The following TERT variants were observed in gnomAD, a reference collection of about 807,000 sequenced individuals.
TERT encodes the protein telomerase reverse transcriptase, also known as telomerase catalytic subunit.
In TERT, 42 loss-of-function variants were observed where a neutral mutation model predicts 104.0. That is an observed-to-expected ratio of 0.40 (90% CI 0.32 to 0.52). The LOEUF is 0.52. Among genes scored for constraint, TERT ranks in the 20% least tolerant of loss-of-function variants. The pLI is 0.43. For synonymous variants in TERT, 781 were observed against 725.6 expected, an observed-to-expected ratio of 1.08 and a Z score of -1.23; for missense variants, 1,101 against 1,610.3, an observed-to-expected ratio of 0.68 and a Z score of 5.41.
chr5:1,272,305 G>A (rs781072689), intron 6 of TERT, 25 bp from the exon 7 acceptor site: 1 of 1,593,710 alleles, frequency 6.3e-7, no homozygotes, highest in Admixed American at 1.7e-5. Context: ...GAGGGCATGA[G>A]CCACAAATGT....
At chr5:1,254,951 G>A (rs577870078) in intron 14 of TERT, among the ~76,000 whole-genome samples, 6 of 152,242 alleles carry the variant, frequency 3.9e-5, no homozygotes, top group South Asian at 4.1e-4. Context: ...TGCCATGGAC[G>A]GGAGACAGCC....
rs1751305960 is a variant in TERT at position 1,295,012 on chromosome 5, G to A, written c.-23C>T. The A allele has an allele frequency of 1.5e-6, 2 of 1,293,428 alleles. No individual in the cohort carries two copies. Among genetic ancestry groups the A allele is most frequent in the Non-Finnish European group, 2.0e-6 (2 of 1,022,844 alleles). The allele number at this position is 1,293,428 out of a possible 1,614,324, so 80.1% of individuals were successfully genotyped here. A position where few individuals can be genotyped will look rare whatever the true frequency, so the allele number is the denominator to read the frequency against. On this transcript the variant is annotated 5_prime_UTR_variant, in exon 1 of 16. Transcript: ENST00000310581. ...CATCGCGGGGGTGGCCGGGGCCAGGGCTTCCCACGTGCGCAGCAGGACGCA... is the reference window on the plus strand; with the variant it reads ...CATCGCGGGGGTGGCCGGGGCCAGGACTTCCCACGTGCGCAGCAGGACGCA...
chr5:1,289,776 C>A (rs1254945037), intron 2 of TERT, among the ~76,000 whole-genome samples: 1 of 107,196 alleles, frequency 9.3e-6, no homozygotes. Flanking sequence ...TCACCCTACA[C>A]GTGACAGGGA....
At chr5:1,253,924 C>T in intron 15 of TERT, 93 bp from the exon 16 acceptor site, 1 of 1,376,790 alleles carries the variant, frequency 7.3e-7, no homozygotes, top group Non-Finnish European at 1.0e-6. Context: ...GCAGGCAGGG[C>T]CTGCACCTCG....
chr5:1,272,361 C>G (rs569046906), intron 6 of TERT, 81 bp from the exon 7 acceptor site: 4 of 1,243,664 alleles, frequency 3.2e-6, no homozygotes, highest in East Asian at 2.5e-5. Context: ...CCGATCAGGA[C>G]GTGTGGACCT....
At chr5:1,260,908 A>G (rs993299503) in intron 11 of TERT, among the ~76,000 whole-genome samples, 1 of 152,228 alleles carries the variant, frequency 6.6e-6, no homozygotes, top group Non-Finnish European at 1.5e-5. Flanking sequence ...AGCCAAAAAC[A>G]CATAATAAAC....
chr5:1,259,215 GGGAGTGGACGTGGATGCCCACAGGAGAT>G (rs1217230082), intron 12 of TERT, among the ~76,000 whole-genome samples: 7 of 146,152 alleles, frequency 4.8e-5, no homozygotes, highest in Non-Finnish European at 9.0e-5. Context: ...ACACAGGAGA[GGGAGTGGACGTGGATGCCCACAGGAGAT>G]GGAGTGGATG....
chr5:1,259,223 ACG>A (rs1747995994), intron 12 of TERT, among the ~76,000 whole-genome samples: 1 of 136,888 alleles, frequency 7.3e-6, no homozygotes, highest in African/African-American at 2.8e-5. Flanking sequence ...GAGGGAGTGG[ACG>A]TGGATGCCCA....
intron 11 of TERT, among the ~76,000 whole-genome samples, chr5:1,260,944 C>T (rs913365474): frequency 6.6e-6 from 1 of 152,222 alleles, no homozygotes; most frequent in Non-Finnish European, 1.5e-5. Context: ...CCCGGGCGTC[C>T]CTCGAGTGAA....
At chr5:1,290,240 T>G (rs563519243) in intron 2 of TERT, among the ~76,000 whole-genome samples, 2 of 63,184 alleles carry the variant, frequency 3.2e-5, no homozygotes, top group Admixed American at 1.5e-4. Context: ...ACCCTACACG[T>G]GACAGGGACA....
Position 1,263,020 on chromosome 5 carries a change from C to T in TERT, c.2843+1384G>A, listed in dbSNP as rs1748342000. ...TGTGGGGAGCACAGGAGACCGGCAT[C>T]CTTGTGGGGAGGGAGCTGCAACAGG... On this transcript the variant is annotated intron_variant, in intron 11 of 15. Transcript: ENST00000310581. This position sits in a 1 kb window ranked among gnomAD's most constrained non-coding sequence, Gnocchi z 5.3. Among the ~76,000 whole-genome samples the T allele has an allele frequency of 6.6e-6, 1 of 152,182 alleles. No homozygotes were observed. Among genetic ancestry groups the T allele is most frequent in the South Asian group, 2.1e-4 (1 of 4,828 alleles).
At chr5:1,279,506 G>A in intron 4 of TERT, 36 bp from the exon 5 acceptor site, 1 of 1,546,680 alleles carries the variant, frequency 6.5e-7, no homozygotes, top group Non-Finnish European at 8.7e-7. Flanking sequence ...TCAGGAAAGT[G>A]GATCCGGCCA....
chr5:1,260,309 C>G (rs1748131730), intron 12 of TERT, among the ~76,000 whole-genome samples, 165 bp downstream of exon 12: 1 of 152,224 alleles, frequency 6.6e-6, no homozygotes, highest in Non-Finnish European at 1.5e-5. Context: ...CCTTCATGTA[C>G]ACACATGCAC....
In TERT at chr5:1,268,460, G is replaced by T; in HGVS notation, c.2582+60C>A. On this transcript the variant is annotated intron_variant, in intron 9 of 15. Coordinates refer to ENST00000310581, the MANE Select transcript of TERT (RefSeq NM_198253.3). The surrounding 1 kb of genome is among the most constrained non-coding windows in gnomAD (Gnocchi z 5.5). ...CCAGAGCACCAGGAATATTAACACT[G>T]AATGCATCAAAAGCAAATCAACCCC... 1 of 1,268,844 alleles carries T rather than the reference G, an allele frequency of 7.9e-7. No homozygotes were observed. Among genetic ancestry groups the T allele is most frequent in the Non-Finnish European group, 1.1e-6 (1 of 876,854 alleles). The allele number at this position is 1,268,844 out of a possible 1,614,324, so 78.6% of individuals were successfully genotyped here.
chr5:1,290,009 G>A (rs1326721196), intron 2 of TERT, among the ~76,000 whole-genome samples: 1 of 28,844 alleles, frequency 3.5e-5, no homozygotes, highest in African/African-American at 2.6e-4. Context: ...CCCGGGGGCC[G>A]CGCCTCACTC....
At position 1,278,635 on chromosome 5, in the gene TERT, C is replaced by A. The variant is rs1749779984; in HGVS notation, c.2286+6G>T. 7 of 1,613,894 alleles carry A rather than the reference C, an allele frequency of 4.3e-6. No homozygotes were observed. The highest frequency in any genetic ancestry group is 5.9e-6 in the Non-Finnish European group (7 of 1,180,048). ...CCTGGACACGACTATCACACGTGAA[C>A]CTTACGTGGCTCTTGAAGGCCTTGC... is the stretch of plus-strand genomic sequence containing the variant. On this transcript the variant is annotated splice_donor_region_variant and intron_variant, in intron 6 of 15. Transcript: ENST00000310581.
chr5:1,253,549 C>T lies in TERT; in HGVS notation c.*179G>A. 1 of 639,596 alleles carries T rather than the reference C, an allele frequency of 1.6e-6. No homozygotes were observed. The highest frequency in any genetic ancestry group is 2.8e-6 in the Non-Finnish European group (1 of 356,708). The allele number at this position is 639,596 out of a possible 1,614,324, so 39.6% of individuals were successfully genotyped here. ...CCCTTGGCTGGACACTCGCTCAGGC[C>T]TCAGCCGGACACTCAGCCTTCAGCC... On this transcript the variant is annotated 3_prime_UTR_variant, in exon 16 of 16. Coordinates refer to ENST00000310581, the MANE Select transcript of TERT (RefSeq NM_198253.3).
At chr5:1,267,793 T>G (rs940184147) in intron 9 of TERT, among the ~76,000 whole-genome samples, 11 of 151,954 alleles carry the variant, frequency 7.2e-5, no homozygotes, top group African/African-American at 2.7e-4. Context: ...ATGAGAACAC[T>G]TGGACACAGG....
intron 2 of TERT, among the ~76,000 whole-genome samples, chr5:1,289,630 G>A (rs1277891844): frequency 3.5e-5 from 3 of 84,774 alleles, no homozygotes; most frequent in Admixed American, 1.2e-4. Context: ...ACGCGGGGAC[G>A]GCGCCTCACT....
Sources: gnomAD v4.1 joint callset for allele counts (sites outside exome capture counted in the v4.1 genomes callset) on GRCh38, gnomAD v4.1.1 for gene constraint, Gnocchi (gnomAD v3.1) non-coding constraint, MANE v1.5 for transcripts, NCBI Gene and HGNC (gene_info 2026-07-23, HGNC 2026-07-21) for gene names.